Variants in ZFPM1 observed in about 807,000 individuals in gnomAD.
ZFPM1 encodes zinc finger protein ZFPM1.
Under a neutral mutation model 46.3 loss-of-function variants are expected in ZFPM1, and 28 were observed. That is an observed-to-expected ratio of 0.60 (90% CI 0.45 to 0.83). ZFPM1 has a LOEUF of 0.83. Among genes scored for constraint, ZFPM1 ranks in the 40% least tolerant of loss-of-function variants. The pLI is 0.00. For missense variants in ZFPM1, 1,878 were observed against 1,432.4 expected (o/e 1.31, Z -5.02); for synonymous variants, 957 against 675.9 (o/e 1.42, Z -6.45).
chr16:88,533,939 C>A lies in ZFPM1; in HGVS notation c.1981C>A (p.Arg661=). 1 of 1,265,332 alleles carries A rather than the reference C, an allele frequency of 7.9e-7. No homozygotes were observed. Among genetic ancestry groups the A allele is most frequent in the Non-Finnish European group, 1.0e-6 (1 of 985,586 alleles). The allele number at this position is 1,265,332 out of a possible 1,614,324, so 78.4% of individuals were successfully genotyped here. Residue 661 remains arginine, a synonymous_variant, in exon 10 of 10, where the codon CGG becomes AGG. Coordinates refer to ENST00000319555, the MANE Select transcript of ZFPM1 (RefSeq NM_153813.3). ...CACGCCCGAGGACGGCGCGGGCGGC[C>A]GGGGCAGCGAGGGCAGCCAGAGCCC... ...AATPEDGAGG[R]GSEGSQSPGS... is the part of the protein sequence containing the mutation.
chr16:88,483,244 A>G (rs919247118), intron 1 of ZFPM1, among the ~76,000 whole-genome samples: 1 of 150,402 alleles, frequency 6.6e-6, no homozygotes, highest in Non-Finnish European at 1.5e-5. Flanking sequence ...CCTCCTGTCC[A>G]GGACCCCCCA....
chr16:88,484,038 C>G (rs534839119), intron 1 of ZFPM1, among the ~76,000 whole-genome samples: 1 of 152,188 alleles, frequency 6.6e-6, no homozygotes, highest in Non-Finnish European at 1.5e-5. Context: ...GCAGGTGTTT[C>G]GGGCGTTAGC....
intron 1 of ZFPM1, among the ~76,000 whole-genome samples, chr16:88,467,530 C>G (rs1908191122): frequency 6.6e-6 from 1 of 152,272 alleles, no homozygotes; most frequent in East Asian, 1.9e-4. Context: ...GTCGCCCTCT[C>G]AGAGTCCTTT....
intron 3 of ZFPM1, among the ~76,000 whole-genome samples, chr16:88,502,641 G>C: frequency 6.6e-6 from 1 of 152,186 alleles, no homozygotes; most frequent in Non-Finnish European, 1.5e-5. Flanking sequence ...TCCCCACCTC[G>C]CAGGTCGGAG....
chr16:88,506,541 C>T (rs1485163815), intron 3 of ZFPM1, among the ~76,000 whole-genome samples: 2 of 152,168 alleles, frequency 1.3e-5, no homozygotes, highest in Non-Finnish European at 2.9e-5. Context: ...GAGTGTGCGT[C>T]CGCAGAGTGG....
At chr16:88,501,821 G>A (rs532942358) in intron 3 of ZFPM1, among the ~76,000 whole-genome samples, 3 of 151,770 alleles carry the variant, frequency 2.0e-5, no homozygotes, top group African/African-American at 7.3e-5. Context: ...GGTGATGGAG[G>A]TAGTGGGCGT....
chr16:88,487,737 G>T (rs1909313676), intron 2 of ZFPM1, among the ~76,000 whole-genome samples: 1 of 152,198 alleles, frequency 6.6e-6, no homozygotes, highest in African/African-American at 2.4e-5. Context: ...CACATGCCCA[G>T]CCTGCTGCGC....
At chr16:88,517,103 C>T (rs919216781) in intron 4 of ZFPM1, among the ~76,000 whole-genome samples, 14 of 152,090 alleles carry the variant, frequency 9.2e-5, no homozygotes, top group African/African-American at 3.4e-4. Flanking sequence ...CCTGAGGGGC[C>T]CAGCCAGCTT....
At chr16:88,514,351 C>A in intron 3 of ZFPM1, 36 bp from the exon 4 acceptor site, 1 of 1,554,386 alleles carries the variant, frequency 6.4e-7, no homozygotes, top group African/African-American at 1.4e-5. Context: ...AGGCCCCAGA[C>A]CGGGCACGCC....
At chr16:88,528,543 G>A (rs1367578938) in intron 6 of ZFPM1, among the ~76,000 whole-genome samples, 1 of 152,198 alleles carries the variant, frequency 6.6e-6, no homozygotes, top group African/African-American at 2.4e-5. Flanking sequence ...GGGGGCAGAC[G>A]CGGGGGCGGC....
intron 4 of ZFPM1, among the ~76,000 whole-genome samples, chr16:88,518,417 ATGATGGGTGGATGGG>A (rs1314879458): frequency 2.1e-5 from 3 of 144,622 alleles, no homozygotes; most frequent in Non-Finnish European, 3.1e-5. Flanking sequence ...GGATGGATGG[ATGATGGGTGGATGGG>A]TGGATGCATG....
At chr16:88,465,565 G>A (rs1403330257) in intron 1 of ZFPM1, among the ~76,000 whole-genome samples, 1 of 151,794 alleles carries the variant, frequency 6.6e-6, no homozygotes, top group Non-Finnish European at 1.5e-5. Context: ...TGTCCCCCTG[G>A]TGCCTAGAAC....
intron 2 of ZFPM1, among the ~76,000 whole-genome samples, chr16:88,486,307 G>C (rs976241036): frequency 6.6e-6 from 1 of 152,236 alleles, no homozygotes. Context: ...CCAAGGCCCA[G>C]ATGGGGCAGG....
intron 3 of ZFPM1, among the ~76,000 whole-genome samples, chr16:88,502,064 C>A (rs1444987370): frequency 7.9e-6 from 1 of 127,314 alleles, no homozygotes; most frequent in African/African-American, 3.0e-5. Flanking sequence ...CCGCCCCCCC[C>A]CATTTATTTA....
chr16:88,522,634 C>T (rs942862470), intron 4 of ZFPM1, among the ~76,000 whole-genome samples: 1 of 152,262 alleles, frequency 6.6e-6, no homozygotes, highest in East Asian at 1.9e-4. Flanking sequence ...AATCAAGACA[C>T]TGACCTCTTT....
intron 2 of ZFPM1, among the ~76,000 whole-genome samples, chr16:88,487,824 G>A (rs548903297): frequency 7.9e-5 from 12 of 152,144 alleles, no homozygotes; most frequent in Admixed American, 2.0e-4. Context: ...GGCTGGGGCC[G>A]CCATCTCCCC....
At chr16:88,524,215 G>A (rs75688926) in intron 4 of ZFPM1, among the ~76,000 whole-genome samples, 4,391 of 152,270 alleles carry the variant, frequency 0.029, 84 homozygotes, top group Middle Eastern at 0.071. Flanking sequence ...GGAAGGCCAG[G>A]GTGGGGAGGG....
chr16:88,483,155 T>G (rs1471375042), intron 1 of ZFPM1, among the ~76,000 whole-genome samples: 6 of 152,092 alleles, frequency 3.9e-5, no homozygotes, highest in Admixed American at 3.3e-4. Flanking sequence ...ATTACAGCTC[T>G]GAGGTGCTCT....
rs143201871 is a variant in ZFPM1, at chr16:88,470,899, G to T, written c.41-15040G>T. Among the ~76,000 whole-genome samples, 1,103 of 152,108 alleles carry T rather than the reference G, an allele frequency of 7.3e-3. 10 individuals carry two copies. The highest frequency in any genetic ancestry group is 0.018 in the South Asian group (85 of 4,814). ...TGGCATAGGGAAACACATCCTCGCC[G>T]AGCGCACAGTGGGAGCTCCGAGCAG... On this transcript the variant is annotated intron_variant, in intron 1 of 9. Transcript: ENST00000319555.
Sources: gnomAD v4.1 joint callset for allele counts (sites outside exome capture counted in the v4.1 genomes callset) on GRCh38, gnomAD v4.1.1 for gene constraint, MANE v1.5 for transcripts, NCBI Gene and HGNC (gene_info 2026-07-23, HGNC 2026-07-21) for gene names.